ARHGAP12: variants seen among roughly 807,000 people sequenced by gnomAD.
ARHGAP12 encodes the protein Rho GTPase activating protein 12.
In ARHGAP12, 64 loss-of-function variants were observed where a neutral mutation model predicts 108.6. That is an observed-to-expected ratio of 0.59 (90% CI 0.48 to 0.73). ARHGAP12 has a LOEUF of 0.73. ARHGAP12 is among the 30% of genes least tolerant of loss of function. The pLI is 0.00. For missense variants in ARHGAP12, 940 were observed against 1,005.9 expected (o/e 0.93, Z 0.89); for synonymous variants, 312 against 337.2 (o/e 0.93, Z 0.82).
intron 10 of ARHGAP12, among the ~76,000 whole-genome samples, chr10:31,828,164 GCTA>G (rs1176669490): frequency 1.3e-5 from 2 of 150,124 alleles, no homozygotes; most frequent in Non-Finnish European, 3.0e-5. Flanking sequence ...GATGAACTTT[GCTA>G]CTGATATCCC....
At chr10:31,845,660 C>T (rs886461751) in intron 6 of ARHGAP12, among the ~76,000 whole-genome samples, 1 of 151,946 alleles carries the variant, frequency 6.6e-6, no homozygotes, top group South Asian at 2.1e-4. Flanking sequence ...TGGTGCATTG[C>T]TATAGGCCTA....
rs1482608197 is a variant in ARHGAP12 at position 31,807,756 on chromosome 10, G to A, written c.2443C>T (p.Pro815Ser). The change falls in exon 20 of 20, where the codon CCA becomes TCA. Residue 815 changes from proline (P) to serine (S), a missense_variant. Coordinates refer to ENST00000344936, the MANE Select transcript of ARHGAP12 (RefSeq NM_018287.7). ...AIVFGPTLLK[P>S]EKETGNIAVH... ...GCTATATTACCAGTCTCTTTTTCTG[G>A]TTTTAATAGAGTGGGACCAAAAACA... is the stretch of plus-strand genomic sequence containing the variant. 1 of 1,605,734 alleles carries A rather than the reference G, an allele frequency of 6.2e-7. No individual in the cohort carries two copies. The highest frequency in any genetic ancestry group is 1.3e-5 in the African/African-American group (1 of 74,446).
At chr10:31,876,312 G>A (rs974130811) in intron 3 of ARHGAP12, among the ~76,000 whole-genome samples, 2 of 152,088 alleles carry the variant, frequency 1.3e-5, no homozygotes, top group African/African-American at 2.4e-5. Flanking sequence ...GAGGTCAGGC[G>A]GTAGAGACCA....
intron 3 of ARHGAP12, among the ~76,000 whole-genome samples, chr10:31,887,206 G>T (rs1051481032): frequency 2.0e-5 from 3 of 152,194 alleles, no homozygotes; most frequent in African/African-American, 7.2e-5. Context: ...GTCCAAAGGT[G>T]GTCTGCTGGC....
At chr10:31,811,862 T>A (rs1180196566) in intron 15 of ARHGAP12, among the ~76,000 whole-genome samples, 3 of 152,016 alleles carry the variant, frequency 2.0e-5, no homozygotes, top group Non-Finnish European at 4.4e-5. Context: ...GGTCTCTCTA[T>A]GTTACCCAAT....
In ARHGAP12 at chr10:31,921,938, C is replaced by T. The variant is rs113823174; in HGVS notation, c.-111+6745G>A. Among the ~76,000 whole-genome samples the T allele has an allele frequency of 7.4e-3, 1,124 of 151,424 alleles. 11 individuals carry two copies. The highest frequency in any genetic ancestry group is 0.026 in the African/African-American group (1,080 of 41,382). On this transcript the variant is annotated intron_variant, in intron 1 of 19. Coordinates refer to ENST00000344936, the MANE Select transcript of ARHGAP12 (RefSeq NM_018287.7). Reference sequence around the variant, plus strand: ...GGTGCAATGGCTCACACCTATAATCCCAGCACTTTGGGAAGCCAAGGCAGG... The same window carrying T: ...GGTGCAATGGCTCACACCTATAATCTCAGCACTTTGGGAAGCCAAGGCAGG...
At chr10:31,876,302 G>C (rs1218435511) in intron 3 of ARHGAP12, among the ~76,000 whole-genome samples, 1 of 152,186 alleles carries the variant, frequency 6.6e-6, no homozygotes, top group East Asian at 1.9e-4. Context: ...TGAATCACCT[G>C]AGGTCAGGCG....
At chr10:31,838,997 C>A (rs1176830868) in intron 9 of ARHGAP12, among the ~76,000 whole-genome samples, 1 of 151,936 alleles carries the variant, frequency 6.6e-6, no homozygotes, top group East Asian at 1.9e-4. Context: ...GCCTGGACAA[C>A]AGAGCGCAAC....
intron 7 of ARHGAP12, among the ~76,000 whole-genome samples, chr10:31,841,086 C>T (rs796197318): frequency 3.9e-5 from 6 of 152,078 alleles, no homozygotes; most frequent in African/African-American, 1.4e-4. Context: ...TTCAGTCCCA[C>T]AGAAATAAAA....
chr10:31,900,808 A>G (rs1008605930), intron 3 of ARHGAP12, among the ~76,000 whole-genome samples: 1 of 151,386 alleles, frequency 6.6e-6, no homozygotes, highest in South Asian at 2.1e-4. Flanking sequence ...TTTACCACAC[A>G]AAGAATGAAC....
chr10:31,920,449 CAAAAAAAAAAA>C (rs71027040), intron 1 of ARHGAP12, among the ~76,000 whole-genome samples: 1 of 59,614 alleles, frequency 1.7e-5, no homozygotes, highest in Non-Finnish European at 2.9e-5. Context: ...GACTCCGTCT[CAAAAAAAAAAA>C]AAAAAAAAAA....
At chr10:31,846,220 C>T (rs1836456759) in intron 6 of ARHGAP12, among the ~76,000 whole-genome samples, 1 of 152,196 alleles carries the variant, frequency 6.6e-6, no homozygotes, top group Non-Finnish European at 1.5e-5. Flanking sequence ...TATATCAGGA[C>T]TACTTCAGGA....
At chr10:31,818,284 TTC>T in intron 12 of ARHGAP12, among the ~76,000 whole-genome samples, 1 of 152,330 alleles carries the variant, frequency 6.6e-6, no homozygotes, top group East Asian at 1.9e-4. Flanking sequence ...AGAAATTTTT[TTC>T]TGTCTCTCTG....
At chr10:31,871,976 C>T (rs2132337380) in intron 3 of ARHGAP12, among the ~76,000 whole-genome samples, 1 of 152,320 alleles carries the variant, frequency 6.6e-6, no homozygotes, top group Admixed American at 6.5e-5. Context: ...TCATCCTTTC[C>T]TCAGCCTTAC....
At chr10:31,861,745 T>G in intron 3 of ARHGAP12, 87 bp from the exon 4 acceptor site, 8 of 1,288,136 alleles carry the variant, frequency 6.2e-6, no homozygotes, top group Non-Finnish European at 8.5e-6. Context: ...TTATAAACAA[T>G]ACTAACTCAT....
At chr10:31,852,425 A>G in intron 6 of ARHGAP12, 92 bp downstream of exon 6, 1 of 1,045,892 alleles carries the variant, frequency 9.6e-7, no homozygotes, top group Non-Finnish European at 1.5e-6. Context: ...TAAAAGTAGA[A>G]TAAAGATCTT....
intron 7 of ARHGAP12, among the ~76,000 whole-genome samples, chr10:31,843,039 T>C (rs1433159820): frequency 6.6e-6 from 1 of 152,118 alleles, no homozygotes; most frequent in African/African-American, 2.4e-5. Context: ...ATTAAATGTC[T>C]TCCCTATGAA....
chr10:31,810,781 C>T lies in ARHGAP12; in HGVS notation c.1952-34G>A, dbSNP rs370891815. 443 of 1,517,104 alleles carry T rather than the reference C, an allele frequency of 2.9e-4. 4 individuals carry two copies. In the South Asian group the frequency reaches 4.7e-3, roughly 16 times the overall value. 94.0% of individuals were successfully genotyped at this position (1,517,104 alleles called of 1,614,324 possible). On this transcript the variant is annotated intron_variant, in intron 15 of 19. Coordinates refer to ENST00000344936, the MANE Select transcript of ARHGAP12 (RefSeq NM_018287.7). ...GATTTATTTTTAAAAAGTCAATCAC[C>T]TTGCTGAAATTCAGTTCATGAAATG...
intron 3 of ARHGAP12, among the ~76,000 whole-genome samples, chr10:31,905,113 A>T (rs1361666182): frequency 1.3e-5 from 2 of 152,068 alleles, no homozygotes; most frequent in Admixed American, 6.6e-5. Flanking sequence ...TATATACATA[A>T]GTAAAAATTC....
Sources: allele counts gnomAD v4.1 joint callset (sites outside exome capture counted in the v4.1 genomes callset), GRCh38; gene constraint gnomAD v4.1.1; transcripts MANE v1.5; gene names NCBI Gene and HGNC (gene_info 2026-07-23, HGNC 2026-07-21).